Variants in UNC79 observed in about 807,000 individuals in gnomAD.
UNC79 encodes unc-79 subunit of NALCN channel complex.
A neutral mutation model predicts 283.1 loss-of-function variants in UNC79; 37 were observed. The ratio of observed to expected loss-of-function variants is 0.13; its 90% confidence interval spans 0.10 to 0.17. The LOEUF (loss-of-function observed/expected upper bound fraction) is 0.17. Among genes scored for constraint, UNC79 ranks in the 10% least tolerant of loss-of-function variants. The pLI is 1.00. For synonymous variants in UNC79, 1,107 were observed against 1,200.2 expected (o/e 0.92, Z 1.61); for missense variants, 2,272 against 3,211.1 (o/e 0.71, Z 7.07).
intron 31 of UNC79, 58 bp downstream of exon 33, chr14:93,630,966 T>C (rs761934916): frequency 2.7e-6 from 4 of 1,467,858 alleles, no homozygotes; most frequent in Non-Finnish European, 3.8e-6. Flanking sequence ...CACTGTCTGC[T>C]GCCTTGTTTT....
At chr14:93,625,343 C>A (rs951804862) in intron 30 of UNC79, among the ~76,000 whole-genome samples, 9 of 152,230 alleles carry the variant, frequency 5.9e-5, no homozygotes, top group Admixed American at 2.0e-4. Context: ...GCTGCATCAT[C>A]ACGAACCCTG....
chr14:93,629,906 T>C (rs1006081442), intron 30 of UNC79, among the ~76,000 whole-genome samples: 2 of 152,238 alleles, frequency 1.3e-5, no homozygotes, highest in African/African-American at 4.8e-5. Flanking sequence ...GTATATTCAC[T>C]GCATGGTGCT....
At chr14:93,541,748 G>C (rs1482207423) in intron 13 of UNC79, among the ~76,000 whole-genome samples, 2 of 152,172 alleles carry the variant, frequency 1.3e-5, no homozygotes, top group Non-Finnish European at 2.9e-5. Flanking sequence ...GCTCACGCCT[G>C]TAATCCCAGC....
At chr14:93,528,707 C>A in intron 9 of UNC79, 61 bp downstream of exon 9, 8 of 1,499,112 alleles carry the variant, frequency 5.3e-6, no homozygotes, top group Non-Finnish European at 7.4e-6. Context: ...TAAGAAAAAT[C>A]ATTTGGACTT....
At chr14:93,399,073 C>A (rs1018004491) in intron 1 of UNC79, among the ~76,000 whole-genome samples, 3 of 152,122 alleles carry the variant, frequency 2.0e-5, no homozygotes, top group Non-Finnish European at 4.4e-5. Flanking sequence ...CACAAGGTGG[C>A]AGGAGGGAGT....
At chr14:93,417,886 C>T (rs1433623684) in intron 1 of UNC79, among the ~76,000 whole-genome samples, 1 of 151,738 alleles carries the variant, frequency 6.6e-6, no homozygotes, top group Non-Finnish European at 1.5e-5. Flanking sequence ...CTCCTTTAAG[C>T]ACTTGTCTGT....
At chr14:93,694,557 C>G in intron 47 of UNC79, 145 bp downstream of exon 50, 1 of 743,964 alleles carries the variant, frequency 1.3e-6, no homozygotes, top group Non-Finnish European at 2.2e-6. Context: ...CAACCCTTTA[C>G]CAAATGGTTA....
intron 22 of UNC79, among the ~76,000 whole-genome samples, chr14:93,592,672 C>T (rs2064779949): frequency 6.6e-6 from 1 of 150,870 alleles, no homozygotes; most frequent in Non-Finnish European, 1.5e-5. Context: ...ACTCTGGAGT[C>T]AAATAGAAAA....
intron 1 of UNC79, among the ~76,000 whole-genome samples, chr14:93,348,605 A>ATTTCT (rs141422046): frequency 0.072 from 10,898 of 152,220 alleles, 792 homozygotes; most frequent in African/African-American, 0.18. Context: ...AAGTACAACC[A>ATTTCT]TTTCTTTGCC....
At chr14:93,544,473 A>G (rs933751385) in intron 14 of UNC79, among the ~76,000 whole-genome samples, 1 of 152,206 alleles carries the variant, frequency 6.6e-6, no homozygotes, top group African/African-American at 2.4e-5. Flanking sequence ...AGACTCTGCT[A>G]GAGTCACATA....
At chr14:93,630,159 A>G (rs1398241085) in intron 30 of UNC79, among the ~76,000 whole-genome samples, 1 of 152,216 alleles carries the variant, frequency 6.6e-6, no homozygotes, top group African/African-American at 2.4e-5. Flanking sequence ...AATCATGCAT[A>G]TTTATTTCGG....
intron 7 of UNC79, among the ~76,000 whole-genome samples, chr14:93,517,370 G>T (rs547027182): frequency 1.7e-5 from 2 of 121,136 alleles, no homozygotes; most frequent in African/African-American, 3.1e-5. Context: ...CACTTGAATA[G>T]AAGTACTGAG....
At chr14:93,491,681 A>G (rs1196310493) in intron 5 of UNC79, among the ~76,000 whole-genome samples, 1 of 152,238 alleles carries the variant, frequency 6.6e-6, no homozygotes, top group Non-Finnish European at 1.5e-5. Context: ...TACTTTAGTG[A>G]CTGACAAATT....
intron 1 of UNC79, among the ~76,000 whole-genome samples, chr14:93,339,744 C>T (rs1226013200): frequency 2.0e-5 from 3 of 152,202 alleles, no homozygotes; most frequent in East Asian, 1.9e-4. Flanking sequence ...TCTGTTTGTC[C>T]GTGTTGCTCT....
At chr14:93,348,307 G>A (rs2053911287) in intron 1 of UNC79, 1 of 491,460 alleles carries the variant, frequency 2.0e-6, no homozygotes, top group African/African-American at 2.0e-5. Context: ...AGTCAAAAAT[G>A]TTCTGCTTAA....
chr14:93,425,776 T>C (rs1292977998), upstream of UNC79, among the ~76,000 whole-genome samples: 1 of 152,166 alleles, frequency 6.6e-6, no homozygotes, highest in Non-Finnish European at 1.5e-5. Context: ...TAGAATGAAA[T>C]ATAAGAATCT....
At position 93,653,861 on chromosome 14, in the gene UNC79, C is replaced by A; in HGVS notation, c.6196+7C>A. The A allele has an allele frequency of 6.2e-7, 1 of 1,614,092 alleles. No individual in the cohort carries two copies. The stretch of plus-strand genomic sequence containing the variant: ...TTCCAAAGCACGATCAAAGGTAATT[C>A]ATCCACTGAGGATCCAGGCACCACA... On this transcript the variant is annotated splice_region_variant and intron_variant, in intron 36 of 48. Transcript: ENST00000555664.
At chr14:93,350,540 TGTAA>T (rs2053962958) in intron 1 of UNC79, among the ~76,000 whole-genome samples, 1 of 152,190 alleles carries the variant, frequency 6.6e-6, no homozygotes, top group African/African-American at 2.4e-5. Context: ...AAAGGAACGT[TGTAA>T]GTAATTAAGT....
At chr14:93,368,247 C>T (rs1445974290) in intron 1 of UNC79, among the ~76,000 whole-genome samples, 4 of 152,154 alleles carry the variant, frequency 2.6e-5, no homozygotes, top group Non-Finnish European at 5.9e-5. Flanking sequence ...AACACTGAGA[C>T]TTATTTTACT....
Sources: allele counts gnomAD v4.1 joint callset (sites outside exome capture counted in the v4.1 genomes callset), GRCh38; gene constraint gnomAD v4.1.1; transcripts MANE v1.5; gene names NCBI Gene and HGNC (gene_info 2026-07-23, HGNC 2026-07-21).